The following GALNT17 variants were observed in gnomAD, a reference collection of about 807,000 sequenced individuals.
GALNT17 encodes the protein UDP-GalNAc:polypeptide N-acetylgalactosaminyltransferase-like 3.
A neutral mutation model predicts 63.7 loss-of-function variants in GALNT17; 29 were observed. The ratio of observed to expected loss-of-function variants is 0.46; its 90% CI spans 0.34 to 0.62. The LOEUF (loss-of-function observed/expected upper bound fraction) is 0.62, where lower values mean the gene tolerates loss of function less well. Among genes scored for constraint, GALNT17 ranks in the 20% least tolerant of loss-of-function variants. GALNT17 has a pLI of 0.01. For synonymous variants in GALNT17, 305 were observed against 318.3 expected, an observed-to-expected ratio of 0.96 and a Z score of 0.45; for missense variants, 603 against 799.6, an observed-to-expected ratio of 0.75 and a Z score of 2.97.
At chr7:71,527,135 A>T (rs1353240002) in intron 5 of GALNT17, among the ~76,000 whole-genome samples, 1 of 152,128 alleles carries the variant, frequency 6.6e-6, no homozygotes, top group African/African-American at 2.4e-5. Context: ...CATAATTGTG[A>T]TTGTTGATGT....
intron 1 of GALNT17, among the ~76,000 whole-genome samples, chr7:71,144,057 T>A (rs1787968407): frequency 6.6e-6 from 1 of 152,094 alleles, no homozygotes; most frequent in African/African-American, 2.4e-5. Context: ...AGAGTCAACA[T>A]CTGGAATTGC....
chr7:71,502,535 C>G (rs1195720313), intron 5 of GALNT17, among the ~76,000 whole-genome samples: 1 of 152,164 alleles, frequency 6.6e-6, no homozygotes, highest in Non-Finnish European at 1.5e-5. Context: ...ATCTTGGGAG[C>G]CTTGAGCCAA....
chr7:71,502,518 T>A (rs1458557219), intron 5 of GALNT17, among the ~76,000 whole-genome samples: 1 of 152,214 alleles, frequency 6.6e-6, no homozygotes, highest in Non-Finnish European at 1.5e-5. Context: ...TCTCTCTCCC[T>A]CCATGCATCT....
intron 8 of GALNT17, among the ~76,000 whole-genome samples, chr7:71,670,527 T>C (rs1360170128): frequency 6.6e-6 from 1 of 152,176 alleles, no homozygotes; most frequent in African/African-American, 2.4e-5. Context: ...AGATTGTCTA[T>C]GGTGTGATCA....
intron 2 of GALNT17, among the ~76,000 whole-genome samples, chr7:71,362,823 G>T (rs751622172): frequency 2.6e-5 from 4 of 152,162 alleles, no homozygotes; most frequent in Non-Finnish European, 5.9e-5. Flanking sequence ...TTCAAAGGGC[G>T]ACTCAGGTCT....
chr7:71,456,411 A>G (rs1787357081), intron 5 of GALNT17, among the ~76,000 whole-genome samples: 1 of 151,826 alleles, frequency 6.6e-6, no homozygotes. Context: ...TTTTAAAATG[A>G]GCCTTGGCCG....
At chr7:71,300,167 A>G (rs917751401) in intron 1 of GALNT17, among the ~76,000 whole-genome samples, 1 of 152,178 alleles carries the variant, frequency 6.6e-6, no homozygotes, top group African/African-American at 2.4e-5. Flanking sequence ...AATGACTGCC[A>G]TGTTCAATAA....
chr7:71,180,797 C>T (rs541357279), intron 1 of GALNT17, among the ~76,000 whole-genome samples: 1 of 152,174 alleles, frequency 6.6e-6, no homozygotes, highest in Non-Finnish European at 1.5e-5. Flanking sequence ...TGAGTGATGG[C>T]ATTTGGATGG....
intron 3 of GALNT17, among the ~76,000 whole-genome samples, chr7:71,404,437 C>A (rs1793292299): frequency 6.6e-6 from 1 of 152,292 alleles, no homozygotes; most frequent in South Asian, 2.1e-4. Flanking sequence ...CCTCTTTAAT[C>A]TCTCTCATTC....
chr7:71,330,831 A>G (rs537605434), intron 1 of GALNT17, among the ~76,000 whole-genome samples: 59 of 152,230 alleles, frequency 3.9e-4, no homozygotes, highest in African/African-American at 1.3e-3. Flanking sequence ...GCCGGATGCA[A>G]TTCCTCCTGT....
chr7:71,451,180 G>A (rs1214825200), intron 5 of GALNT17, among the ~76,000 whole-genome samples: 1 of 152,108 alleles, frequency 6.6e-6, no homozygotes, highest in African/African-American at 2.4e-5. Flanking sequence ...AACATGTGGT[G>A]TTTGGTTTTT....
chr7:71,396,929 A>G (rs1382084691), intron 3 of GALNT17, among the ~76,000 whole-genome samples: 1 of 152,082 alleles, frequency 6.6e-6, no homozygotes, highest in Non-Finnish European at 1.5e-5. Flanking sequence ...TTGTTATTGT[A>G]TAGAAACACA....
intron 1 of GALNT17, among the ~76,000 whole-genome samples, chr7:71,141,615 A>G (rs1350592884): frequency 1.3e-5 from 2 of 151,562 alleles, no homozygotes; most frequent in Admixed American, 1.3e-4. Flanking sequence ...TATTCCCGAG[A>G]CACTTAGAGC....
intron 5 of GALNT17, among the ~76,000 whole-genome samples, chr7:71,459,155 A>G (rs1461186399): frequency 6.6e-6 from 1 of 152,236 alleles, no homozygotes; most frequent in Non-Finnish European, 1.5e-5. Flanking sequence ...TGCAAAGAAC[A>G]ATTCACAAAT....
At chr7:71,396,175 A>G (rs1793136994) in intron 3 of GALNT17, among the ~76,000 whole-genome samples, 1 of 152,092 alleles carries the variant, frequency 6.6e-6, no homozygotes, top group Non-Finnish European at 1.5e-5. Context: ...TGTCATATCT[A>G]AGAAACTGTT....
At chr7:71,481,874 C>T (rs986850085) in intron 5 of GALNT17, among the ~76,000 whole-genome samples, 2 of 152,090 alleles carry the variant, frequency 1.3e-5, no homozygotes, top group East Asian at 3.9e-4. Flanking sequence ...TTCTTGCTTG[C>T]TTAGGTTATA....
At chr7:71,643,441 C>G (rs1562720470) in intron 6 of GALNT17, among the ~76,000 whole-genome samples, 1 of 152,156 alleles carries the variant, frequency 6.6e-6, no homozygotes, top group Non-Finnish European at 1.5e-5. Context: ...ACACTCCAAC[C>G]TGGGCCACAG....
At chr7:71,357,905 C>T (rs920654185) in intron 2 of GALNT17, among the ~76,000 whole-genome samples, 1 of 152,172 alleles carries the variant, frequency 6.6e-6, no homozygotes, top group Non-Finnish European at 1.5e-5. Flanking sequence ...CATCAATCAG[C>T]AGGATCCTAA....
At chr7:71,612,447 A>G (rs1015169192) in intron 6 of GALNT17, among the ~76,000 whole-genome samples, 2 of 152,254 alleles carry the variant, frequency 1.3e-5, no homozygotes, top group African/African-American at 4.8e-5. Flanking sequence ...CTCTTCGTGC[A>G]TTGGGTCGAA....
Sources: gnomAD v4.1 joint callset for allele counts (sites outside exome capture counted in the v4.1 genomes callset) on GRCh38, gnomAD v4.1.1 for gene constraint, MANE v1.5 for transcripts, NCBI Gene and HGNC (gene_info 2026-07-23, HGNC 2026-07-21) for gene names.